THEM4: variants seen among roughly 807,000 people sequenced by gnomAD.
THEM4 encodes the protein acyl-coenzyme A thioesterase THEM4.
In THEM4, 22 loss-of-function variants were observed where a neutral mutation model predicts 25.0. That is an observed-to-expected ratio of 0.88 (90% CI 0.63 to 1.26). The LOEUF (loss-of-function observed/expected upper bound fraction) is 1.26, where lower values mean the gene tolerates loss of function less well. Among genes scored for constraint, THEM4 ranks in the 50% most tolerant of loss-of-function variants. The pLI is 0.00. For missense variants in THEM4, 286 were observed against 300.3 expected, an observed-to-expected ratio of 0.95 and a Z score of 0.35; for synonymous variants, 113 against 105.6, an observed-to-expected ratio of 1.07 and a Z score of -0.43.
intron 2 of THEM4, 161 bp from the exon 3 acceptor site, chr1:151,889,534 C>A: frequency 1.6e-6 from 1 of 622,674 alleles, no homozygotes; most frequent in South Asian, 2.5e-5. Flanking sequence ...CTCAATGAAA[C>A]AGAAGATAGG....
chr1:151,876,838 A>AT (rs1173538956), intron 5 of THEM4, among the ~76,000 whole-genome samples, 163 bp downstream of exon 5: 1 of 152,038 alleles, frequency 6.6e-6, no homozygotes, highest in Non-Finnish European at 1.5e-5. Flanking sequence ...GGAATTAAGA[A>AT]TTTTTTGGCA....
chr1:151,874,819 G>T lies in THEM4; in HGVS notation c.*69C>A, dbSNP rs954394475. 7.0e-6 allele frequency: 10 copies of T among 1,426,890 alleles called. No individual in the cohort carries two copies. The Admixed American group carries it at 1.2e-4, about 17-fold the overall frequency. 88.4% of individuals were successfully genotyped at this position (1,426,890 alleles called of 1,614,324 possible). A position where few individuals can be genotyped will look rare whatever the true frequency, so the allele number is the denominator to read the frequency against. Reference sequence around the variant, plus strand: ...CCTACAGGGATTCAGCAGTGAGGGAGCAGAGTATTTGGGGGACAACTGCTT... The same window carrying T: ...CCTACAGGGATTCAGCAGTGAGGGATCAGAGTATTTGGGGGACAACTGCTT... On this transcript the variant is annotated 3_prime_UTR_variant, in exon 6 of 6. Transcript: ENST00000368814.
At chr1:151,882,385 A>C (rs1393092094) in intron 4 of THEM4, among the ~76,000 whole-genome samples, 1 of 152,152 alleles carries the variant, frequency 6.6e-6, no homozygotes, top group East Asian at 1.9e-4. Flanking sequence ...AAAAAAAAAA[A>C]AAAAAGCTTC....
intron 2 of THEM4, 180 bp downstream of exon 2, chr1:151,894,828 G>A: frequency 1.5e-6 from 1 of 686,278 alleles, no homozygotes; most frequent in Admixed American, 2.7e-5. Context: ...TTGACAATAG[G>A]CTTTATGCTC....
chr1:151,882,569 C>T (rs2101718752), intron 4 of THEM4, among the ~76,000 whole-genome samples: 1 of 152,174 alleles, frequency 6.6e-6, no homozygotes, highest in South Asian at 2.1e-4. Flanking sequence ...ATTCAAATCC[C>T]CAACAGTCTG....
At chr1:151,907,088 G>A (rs932996480) in intron 1 of THEM4, among the ~76,000 whole-genome samples, 3 of 152,002 alleles carry the variant, frequency 2.0e-5, no homozygotes, top group African/African-American at 4.8e-5. Context: ...AACACTCACC[G>A]CGAAGGTCTG....
rs974269521 is a variant in THEM4 at position 151,871,247 on chromosome 1, C to T, written c.*3641G>A. On this transcript the variant is annotated 3_prime_UTR_variant, in exon 6 of 6. Coordinates refer to ENST00000368814, the MANE Select transcript of THEM4 (RefSeq NM_053055.5). Reference sequence around the variant, plus strand: ...GGCTGAGGCAGGAGAATCGCTTGAACCTGGGAGGTGGAGGTTGCATTGAGC... The same window carrying T: ...GGCTGAGGCAGGAGAATCGCTTGAATCTGGGAGGTGGAGGTTGCATTGAGC... Among the ~76,000 whole-genome samples the T allele has an allele frequency of 6.7e-6, 1 of 149,154 alleles. No individual in the cohort carries two copies. The highest frequency in any genetic ancestry group is 1.5e-5 in the Non-Finnish European group (1 of 67,726).
At position 151,873,138 on chromosome 1, in the gene THEM4, G is replaced by C. The variant is rs1160225710; in HGVS notation, c.*1750C>G. Among the ~76,000 whole-genome samples, 1 of 152,212 alleles carries C rather than the reference G, an allele frequency of 6.6e-6. No individual in the cohort carries two copies. The highest frequency in any genetic ancestry group is 1.5e-5 in the Non-Finnish European group (1 of 68,038). On this transcript the variant is annotated 3_prime_UTR_variant, in exon 6 of 6. Coordinates refer to ENST00000368814, the MANE Select transcript of THEM4 (RefSeq NM_053055.5). ...CTGCTGTTACTCTTTGCTACACTGA[G>C]ATGTTTGGGTGGAGAGAAGCATAAA... is the stretch of plus-strand genomic sequence containing the variant.
At chr1:151,897,669 T>C (rs1208778293) in intron 1 of THEM4, among the ~76,000 whole-genome samples, 1 of 152,316 alleles carries the variant, frequency 6.6e-6, no homozygotes, top group East Asian at 1.9e-4. Flanking sequence ...TAGTTCAAGA[T>C]TGACTGCAAG....
chr1:151,901,421 T>C (rs56139802), intron 1 of THEM4, among the ~76,000 whole-genome samples: 4,049 of 152,268 alleles, frequency 0.027, 190 homozygotes, highest in African/African-American at 0.092. Flanking sequence ...TGGAACTTTC[T>C]CCAAGATAGA....
At chr1:151,885,034 C>T (rs1358593132) in intron 4 of THEM4, among the ~76,000 whole-genome samples, 2 of 151,492 alleles carry the variant, frequency 1.3e-5, no homozygotes, top group African/African-American at 4.8e-5. Flanking sequence ...GCAAACCTGC[C>T]TAATAATTTT....
intron 1 of THEM4, among the ~76,000 whole-genome samples, chr1:151,896,728 G>A (rs1016838998): frequency 2.6e-5 from 4 of 152,192 alleles, no homozygotes; most frequent in African/African-American, 9.7e-5. Flanking sequence ...GATAGTGGGA[G>A]TGTCCAAGGT....
At position 151,877,060 on chromosome 1, in the gene THEM4, A is replaced by T. The variant is rs749003014; in HGVS notation, c.623T>A (p.Phe208Tyr). The change falls in exon 5 of 6, where the codon TTT (phenylalanine) becomes TAT (tyrosine). Residue 208 changes from phenylalanine (F) to tyrosine (Y), a missense_variant. Phe to Tyr is a conservative substitution (Grantham distance 22). Coordinates refer to ENST00000368814, the MANE Select transcript of THEM4 (RefSeq NM_053055.5). ...SQLDKVEGRK[F>Y]FVSCNVQSVD... ...ACTCTGAACATTACAGGAAACAAAA[A>T]ATTTCCTTCCTTCAACTTTATCAAG... is the stretch of plus-strand genomic sequence containing the variant. The T allele has an allele frequency of 6.2e-7, 1 of 1,613,792 alleles. No homozygotes were observed. Among genetic ancestry groups the T allele is most frequent in the South Asian group, 1.1e-5 (1 of 91,032 alleles).
chr1:151,877,192 T>C lies in THEM4; in HGVS notation c.558-67A>G, dbSNP rs188529869. 5.5e-4 allele frequency: 822 copies of C among 1,495,706 alleles called. 5 individuals carry two copies. In the African/African-American group the frequency reaches 8.3e-3, roughly 15 times the overall value. 92.7% of individuals were successfully genotyped at this position (1,495,706 alleles called of 1,614,324 possible). A position where few individuals can be genotyped will look rare whatever the true frequency, so the allele number is the denominator to read the frequency against. On this transcript the variant is annotated intron_variant, in intron 4 of 5. Transcript: ENST00000368814. ...TGACTTATATAACATTAAAAGATGATCAAGTACATGACAAGGGATAGAAAT... is the reference window on the plus strand; with the variant it reads ...TGACTTATATAACATTAAAAGATGACCAAGTACATGACAAGGGATAGAAAT...
chr1:151,909,322 C>A, intron 1 of THEM4, 38 bp downstream of exon 1: 14 of 1,491,280 alleles, frequency 9.4e-6, no homozygotes, highest in Non-Finnish European at 1.3e-5. Flanking sequence ...GTTTCTGAGT[C>A]CTGCTCCCGC....
At position 151,871,720 on chromosome 1, in the gene THEM4, C is replaced by T. The variant is rs183509947; in HGVS notation, c.*3168G>A. Among the ~76,000 whole-genome samples, 8 of 152,144 alleles carry T rather than the reference C, an allele frequency of 5.3e-5. No individual in the cohort carries two copies. The highest frequency in any genetic ancestry group is 1.7e-4 in the African/African-American group (7 of 41,416). On this transcript the variant is annotated 3_prime_UTR_variant, in exon 6 of 6. Coordinates refer to ENST00000368814, the MANE Select transcript of THEM4 (RefSeq NM_053055.5). ...AACTGTAAAGGGAAAAAAGTGGATA[C>T]GAAGGGAGGCAGGCATACTTAACAT...
intron 2 of THEM4, among the ~76,000 whole-genome samples, chr1:151,894,162 C>G (rs1654163250): frequency 6.6e-6 from 1 of 151,980 alleles, no homozygotes; most frequent in Admixed American, 6.5e-5. Context: ...GGTGCCTGGC[C>G]CAAGGGCCTT....
chr1:151,906,889 G>A (rs1415315269), intron 1 of THEM4, among the ~76,000 whole-genome samples: 1 of 152,140 alleles, frequency 6.6e-6, no homozygotes, highest in Non-Finnish European at 1.5e-5. Context: ...TGTCAAAACA[G>A]ACCACTTGGC....
chr1:151,896,839 A>C (rs1475509039), intron 1 of THEM4, among the ~76,000 whole-genome samples: 2 of 152,202 alleles, frequency 1.3e-5, no homozygotes, highest in African/African-American at 2.4e-5. Flanking sequence ...AAGGAGGGTA[A>C]GGGAAAAAGA....
Sources: gnomAD v4.1 joint callset for allele counts (sites outside exome capture counted in the v4.1 genomes callset) on GRCh38, gnomAD v4.1.1 for gene constraint, MANE v1.5 for transcripts, NCBI Gene and HGNC (gene_info 2026-07-23, HGNC 2026-07-21) for gene names.